RAD50: variants seen among roughly 807,000 people sequenced by gnomAD.
The protein encoded by RAD50 is DNA repair protein RAD50.
A neutral mutation model predicts 168.8 loss-of-function variants in RAD50; 132 were observed. That is an observed-to-expected ratio of 0.78 (90% CI 0.68 to 0.90). The LOEUF (loss-of-function observed/expected upper bound fraction) is 0.90. Among genes scored for constraint, RAD50 ranks in the 40% least tolerant of loss-of-function variants. The pLI is 0.00. For synonymous variants in RAD50, 525 were observed against 497.4 expected, an observed-to-expected ratio of 1.06 and a Z score of -0.74; for missense variants, 1,347 against 1,534.4, an observed-to-expected ratio of 0.88 and a Z score of 2.04.
At chr5:132,609,927 A>C (rs1412991157) in intron 19 of RAD50, among the ~76,000 whole-genome samples, 1 of 152,058 alleles carries the variant, frequency 6.6e-6, no homozygotes, top group African/African-American at 2.4e-5. Flanking sequence ...CCTAATTCTC[A>C]ATCTTACTTC....
chr5:132,575,693 G>T (rs2149836301), intron 2 of RAD50, 84 bp from the exon 3 acceptor site: 1 of 1,357,282 alleles, frequency 7.4e-7, no homozygotes, highest in Non-Finnish European at 1.0e-6. Flanking sequence ...CTCATTTTGG[G>T]TAAGATTGCT....
chr5:132,605,910 A>G (rs1750977528), intron 16 of RAD50, among the ~76,000 whole-genome samples: 2 of 152,222 alleles, frequency 1.3e-5, no homozygotes, highest in Admixed American at 6.5e-5. Context: ...AGGCAGAAAT[A>G]AAGATGTTCT....
chr5:132,580,663 C>T (rs577390322), intron 5 of RAD50, among the ~76,000 whole-genome samples: 9 of 152,272 alleles, frequency 5.9e-5, no homozygotes, highest in African/African-American at 1.9e-4. Flanking sequence ...AGTATACCTT[C>T]CTCAACCCGG....
chr5:132,557,476 C>T (rs373355561), intron 1 of RAD50, 23 bp downstream of exon 1: 2 of 1,613,808 alleles, frequency 1.2e-6, no homozygotes, highest in African/African-American at 2.7e-5. Context: ...TAGCCGCCTT[C>T]AGTTTACAGG....
At chr5:132,587,341 A>G (rs1750611019) in intron 5 of RAD50, among the ~76,000 whole-genome samples, 1 of 152,184 alleles carries the variant, frequency 6.6e-6, no homozygotes, top group Non-Finnish European at 1.5e-5. Flanking sequence ...TTAGAAGTGG[A>G]ATTTAATTCC....
At chr5:132,642,141 T>C in intron 24 of RAD50, 37 bp from the exon 25 acceptor site, 1 of 1,595,630 alleles carries the variant, frequency 6.3e-7, no homozygotes, top group East Asian at 2.2e-5. Context: ...GGGGTTATGC[T>C]CTTTACTAAT....
intron 21 of RAD50, among the ~76,000 whole-genome samples, chr5:132,618,940 C>T (rs1381381301): frequency 6.6e-6 from 1 of 152,114 alleles, no homozygotes; most frequent in African/African-American, 2.4e-5. Flanking sequence ...TTTACTTTCT[C>T]TGCTTTTTTA....
intron 21 of RAD50, among the ~76,000 whole-genome samples, chr5:132,625,903 A>G (rs1478310791): frequency 6.7e-6 from 1 of 149,982 alleles, no homozygotes; most frequent in East Asian, 1.9e-4. Context: ...TATATGAACA[A>G]CTTTTTTTTT....
chr5:132,581,945 C>A (rs1031627356), intron 5 of RAD50, among the ~76,000 whole-genome samples: 3 of 151,930 alleles, frequency 2.0e-5, no homozygotes, highest in Admixed American at 2.0e-4. Flanking sequence ...ATGACAAGCA[C>A]ATGTAATGGT....
chr5:132,601,908 A>G (rs1442908517), intron 13 of RAD50, among the ~76,000 whole-genome samples: 1 of 152,166 alleles, frequency 6.6e-6, no homozygotes, highest in Non-Finnish European at 1.5e-5. Flanking sequence ...GTTCTCACTC[A>G]TAAATGGGAG....
chr5:132,564,304 T>C (rs759013991), intron 2 of RAD50, among the ~76,000 whole-genome samples: 2 of 152,096 alleles, frequency 1.3e-5, no homozygotes, highest in African/African-American at 2.4e-5. Flanking sequence ...TAATGAAGTC[T>C]AGGCTGAGGA....
In RAD50 at chr5:132,559,156, T is replaced by C. The variant is rs879028550; in HGVS notation, c.130-128T>C. ...CACTTAATCATATTTTTATTACAGGTTTTATAATGTCAGATTTTATCTTTT... is the reference window on the plus strand; with the variant it reads ...CACTTAATCATATTTTTATTACAGGCTTTATAATGTCAGATTTTATCTTTT... On this transcript the variant is annotated intron_variant, in intron 1 of 24. Coordinates refer to ENST00000378823, the MANE Select transcript of RAD50 (RefSeq NM_005732.4). 8.5e-6 allele frequency: 8 copies of C among 943,180 alleles called. No homozygotes were observed. In the South Asian group the frequency reaches 1.6e-4, roughly 18 times the overall value. 58.4% of individuals were successfully genotyped at this position (943,180 alleles called of 1,614,324 possible). A position where few individuals can be genotyped will look rare whatever the true frequency, so the allele number is the denominator to read the frequency against.
intron 23 of RAD50, 22 bp downstream of exon 23, chr5:132,638,245 G>A (rs747692887): frequency 1.9e-6 from 3 of 1,613,884 alleles, no homozygotes; most frequent in East Asian, 2.2e-5. Flanking sequence ...AAAAGCCTGG[G>A]GAGCCAACTC....
chr5:132,619,815 C>CCTCT (rs58174018), intron 21 of RAD50, among the ~76,000 whole-genome samples: 136 of 118,340 alleles, frequency 1.1e-3, no homozygotes, highest in African/African-American at 3.9e-3. Flanking sequence ...TCTCTCTACT[C>CCTCT]CTCTCTCTCT....
intron 12 of RAD50, 31 bp from the exon 13 acceptor site, chr5:132,595,542 A>G (rs963302919): frequency 2.1e-6 from 3 of 1,441,404 alleles, no homozygotes; most frequent in African/African-American, 2.8e-5. Flanking sequence ...TTTTTTTCTC[A>G]TTGGTGATAT....
In RAD50 at chr5:132,575,681, C is replaced by T. The variant is rs2149836292; in HGVS notation, c.214-96C>T. On this transcript the variant is annotated intron_variant, in intron 2 of 24. Coordinates refer to ENST00000378823, the MANE Select transcript of RAD50 (RefSeq NM_005732.4). ...CATTTTGGATGTTTTTCTTTTTGTT[C>T]CCTCATTTTGGGTAAGATTGCTTAT... is the stretch of plus-strand genomic sequence containing the variant. 4 of 1,173,850 alleles carry T rather than the reference C, an allele frequency of 3.4e-6. No homozygotes were observed. In the East Asian group the frequency reaches 7.2e-5, roughly 21 times the overall value. 72.7% of individuals were successfully genotyped at this position (1,173,850 alleles called of 1,614,324 possible).
chr5:132,598,193 G>A (rs1200402924), intron 13 of RAD50, among the ~76,000 whole-genome samples: 6 of 151,906 alleles, frequency 3.9e-5, no homozygotes, highest in African/African-American at 1.2e-4. Flanking sequence ...GATTACAGGC[G>A]CACGTCACCA....
chr5:132,622,127 A>G (rs1751296706), intron 21 of RAD50, among the ~76,000 whole-genome samples: 1 of 150,580 alleles, frequency 6.6e-6, no homozygotes, highest in Non-Finnish European at 1.5e-5. Context: ...TATAAGTTCT[A>G]TTTTGTTCTT....
chr5:132,619,877 T>TATATATATATAAAG (rs1561651775), intron 21 of RAD50, among the ~76,000 whole-genome samples: 2 of 116,896 alleles, frequency 1.7e-5, no homozygotes, highest in African/African-American at 6.3e-5. Flanking sequence ...TAAAGATATA[T>TATATATATATAAAG]ATATATATAG....
Sources: allele counts gnomAD v4.1 joint callset (sites outside exome capture counted in the v4.1 genomes callset), GRCh38; gene constraint gnomAD v4.1.1; transcripts MANE v1.5; gene names NCBI Gene and HGNC (gene_info 2026-07-23, HGNC 2026-07-21).